Variants in GRIP1 observed in about 807,000 individuals in gnomAD.
GRIP1 encodes the protein glutamate receptor interacting protein 1.
Under a neutral mutation model 129.9 loss-of-function variants are expected in GRIP1, and 45 were observed. The ratio of observed to expected loss-of-function variants is 0.35; its 90% CI spans 0.27 to 0.44. The LOEUF (loss-of-function observed/expected upper bound fraction) is 0.44, where lower values mean the gene tolerates loss of function less well. Ranked by LOEUF, GRIP1 falls within the 20% of genes least tolerant of loss-of-function variation. The probability of loss-of-function intolerance (pLI) is 1.00; values close to 1 mark genes in which losing one functional copy is unlikely to be tolerated. For synonymous variants in GRIP1, 530 were observed against 520.8 expected, an observed-to-expected ratio of 1.02 and a Z score of -0.24; for missense variants, 1,196 against 1,396.8, an observed-to-expected ratio of 0.86 and a Z score of 2.29.
intron 1 of GRIP1, among the ~76,000 whole-genome samples, chr12:66,875,530 C>T (rs1427456438): frequency 6.6e-6 from 1 of 152,012 alleles, no homozygotes; most frequent in Non-Finnish European, 1.5e-5. Flanking sequence ...AAAAATAAAG[C>T]CTGGTATCAC....
chr12:66,442,286 T>C (rs926208988), intron 13 of GRIP1, among the ~76,000 whole-genome samples: 1 of 152,156 alleles, frequency 6.6e-6, no homozygotes, highest in African/African-American at 2.4e-5. Flanking sequence ...ACAGCCCTTT[T>C]TGTTGTTTCT....
intron 1 of GRIP1, among the ~76,000 whole-genome samples, chr12:66,915,537 G>A (rs1031485071): frequency 2.0e-5 from 3 of 152,206 alleles, no homozygotes; most frequent in Non-Finnish European, 4.4e-5. Flanking sequence ...GGCATCAGAC[G>A]TGGGTGGGAA....
chr12:66,839,105 T>A (rs1294241528), intron 1 of GRIP1, among the ~76,000 whole-genome samples: 1 of 152,090 alleles, frequency 6.6e-6, no homozygotes, highest in Non-Finnish European at 1.5e-5. Flanking sequence ...ATTAGACTAA[T>A]TTGAATTTAA....
intron 7 of GRIP1, among the ~76,000 whole-genome samples, chr12:66,474,363 G>A (rs932204493): frequency 6.6e-6 from 1 of 152,150 alleles, no homozygotes. Context: ...TGGTGTACCT[G>A]AAAGTGACAG....
At chr12:66,410,249 C>CAAAAAAAAAAAAAAGA (rs2057346102) in intron 15 of GRIP1, among the ~76,000 whole-genome samples, 1 of 47,430 alleles carries the variant, frequency 2.1e-5, no homozygotes, top group African/African-American at 9.3e-5. Flanking sequence ...GACTCCGTCT[C>CAAAAAAAAAAAAAAGA]AAAAAAAAAA....
intron 1 of GRIP1, among the ~76,000 whole-genome samples, chr12:66,750,993 T>C (rs10878500): frequency 0.19 from 28,773 of 152,204 alleles, 2,819 homozygotes; most frequent in Middle Eastern, 0.3. Flanking sequence ...GCTATAACTT[T>C]ATTCTTTTTC....
intron 16 of GRIP1, among the ~76,000 whole-genome samples, chr12:66,401,598 G>GTGTGTA (rs71096098): frequency 1.5e-5 from 1 of 66,262 alleles, no homozygotes; most frequent in African/African-American, 6.1e-5. Flanking sequence ...AAATATGTGT[G>GTGTGTA]TATATATATA....
chr12:66,555,909 C>A (rs2062314381), intron 2 of GRIP1, among the ~76,000 whole-genome samples: 11 of 151,860 alleles, frequency 7.2e-5, no homozygotes, highest in Admixed American at 7.2e-4. Context: ...ATAAGGCATG[C>A]CTATTAGACC....
intron 23 of GRIP1, among the ~76,000 whole-genome samples, chr12:66,364,083 T>G (rs762427023): frequency 6.6e-6 from 1 of 151,584 alleles, no homozygotes; most frequent in Non-Finnish European, 1.5e-5. Flanking sequence ...TTGGCCAACA[T>G]GATGAAACCT....
chr12:66,781,494 A>G (rs1027218124), intron 1 of GRIP1, among the ~76,000 whole-genome samples: 9 of 152,212 alleles, frequency 5.9e-5, no homozygotes, highest in African/African-American at 2.2e-4. Flanking sequence ...CAGTTCATAT[A>G]CCAAAAAAAT....
intron 1 of GRIP1, among the ~76,000 whole-genome samples, chr12:66,755,026 A>C (rs1038261861): frequency 2.6e-5 from 4 of 152,198 alleles, no homozygotes; most frequent in Admixed American, 1.3e-4. Flanking sequence ...TTGCTAGGGA[A>C]TACTGATGGA....
chr12:66,922,730 CT>C (rs1369535150), intron 1 of GRIP1, among the ~76,000 whole-genome samples: 2 of 152,202 alleles, frequency 1.3e-5, no homozygotes, highest in Non-Finnish European at 2.9e-5. Context: ...TGCTTTTACC[CT>C]TCCCCCTTTT....
intron 1 of GRIP1, among the ~76,000 whole-genome samples, chr12:66,623,054 A>G (rs2065344655): frequency 6.6e-6 from 1 of 152,156 alleles, no homozygotes; most frequent in Admixed American, 6.6e-5. Flanking sequence ...AGTATCTAGA[A>G]TACTTCCTGA....
intron 1 of GRIP1, among the ~76,000 whole-genome samples, chr12:66,639,090 G>A (rs547896744): frequency 2.0e-5 from 3 of 152,222 alleles, no homozygotes; most frequent in African/African-American, 7.2e-5. Context: ...ATTATTAGTA[G>A]CAGATATACA....
chr12:66,580,196 C>A (rs1488793052), intron 2 of GRIP1, among the ~76,000 whole-genome samples: 2 of 148,556 alleles, frequency 1.3e-5, no homozygotes, highest in Non-Finnish European at 1.5e-5. Context: ...ACTTTACAGA[C>A]AAGCAAATGC....
chr12:67,016,548 G>A (rs2042790426), intron 1 of GRIP1, among the ~76,000 whole-genome samples: 1 of 152,088 alleles, frequency 6.6e-6, no homozygotes, highest in South Asian at 2.1e-4. Context: ...GCAGTCGACG[G>A]AAATGGCTGG....
chr12:66,543,772 C>T (rs7294896), intron 2 of GRIP1, among the ~76,000 whole-genome samples: 104,472 of 152,096 alleles, frequency 0.69, 36,349 homozygotes, highest in African/African-American at 0.81. Context: ...AAAAGATTCT[C>T]TGCATCTTCT....
intron 1 of GRIP1, among the ~76,000 whole-genome samples, chr12:66,724,943 G>T (rs150675430): frequency 9.9e-5 from 15 of 152,230 alleles, no homozygotes; most frequent in Non-Finnish European, 1.8e-4. Flanking sequence ...CAAATGAAAA[G>T]CCCATCCATT....
chr12:66,461,456 G>A (rs1210990351), intron 9 of GRIP1, among the ~76,000 whole-genome samples: 1 of 152,106 alleles, frequency 6.6e-6, no homozygotes, highest in Non-Finnish European at 1.5e-5. Flanking sequence ...GTGCAGGAAG[G>A]GCCCACGGGG....
Sources: gnomAD v4.1 joint callset for allele counts (sites outside exome capture counted in the v4.1 genomes callset) on GRCh38, gnomAD v4.1.1 for gene constraint, MANE v1.5 for transcripts, NCBI Gene and HGNC (gene_info 2026-07-23, HGNC 2026-07-21) for gene names.